Variants in TUBGCP6 observed in about 807,000 individuals in gnomAD.
TUBGCP6 encodes the protein gamma-tubulin complex component 6.
In TUBGCP6, 161 loss-of-function variants were observed where a neutral mutation model predicts 175.8. The ratio of observed to expected loss-of-function variants is 0.92; its 90% CI spans 0.81 to 1.04. The LOEUF (loss-of-function observed/expected upper bound fraction) is 1.04. TUBGCP6 is among the 50% of genes least tolerant of loss of function. TUBGCP6 has a pLI of 0.00. For synonymous variants in TUBGCP6, 1,173 were observed against 1,030.5 expected (o/e 1.14, Z -2.65); for missense variants, 2,572 against 2,433.0 (o/e 1.06, Z -1.20).
chr22:50,225,763 G>C, intron 10 of TUBGCP6, 31 bp downstream of exon 10: 2 of 1,590,926 alleles, frequency 1.3e-6, no homozygotes, highest in Non-Finnish European at 1.7e-6. Context: ...CAGGGGCGAA[G>C]AAAGCCCCCG....
intron 2 of TUBGCP6, among the ~76,000 whole-genome samples, chr22:50,234,870 C>T (rs2064749120): frequency 6.6e-6 from 1 of 150,704 alleles, no homozygotes. Flanking sequence ...GCATCACCCA[C>T]ACACACCCAT....
chr22:50,230,887 C>A (rs917942554), intron 3 of TUBGCP6, among the ~76,000 whole-genome samples: 1 of 151,052 alleles, frequency 6.6e-6, no homozygotes, highest in African/African-American at 2.4e-5. Flanking sequence ...GGTTTGAGAC[C>A]AGCCTCACCA....
intron 1 of TUBGCP6, among the ~76,000 whole-genome samples, chr22:50,241,063 AAT>A: frequency 6.6e-6 from 1 of 152,370 alleles, no homozygotes; most frequent in East Asian, 1.9e-4. Flanking sequence ...ATAGAACAAG[AAT>A]AGTTACACTA....
chr22:50,229,178 G>A (rs1186975980), intron 4 of TUBGCP6, among the ~76,000 whole-genome samples: 1 of 151,946 alleles, frequency 6.6e-6, no homozygotes, highest in African/African-American at 2.4e-5. Flanking sequence ...CACACCCCAG[G>A]GCCCACACAG....
Position 50,220,843 on chromosome 22 carries a change from C to T in TUBGCP6, c.3516G>A (p.Gly1172=). Residue 1172 remains glycine (G), a synonymous_variant, in exon 16 of 25, where the codon GGG becomes GGA. Transcript: ENST00000248846. ...GHVSDASISL[G]ESVSDMAPAR... ...CGGGAGCCATGTCTGACACAGACTC[C>T]CCCAAGCTGATGCTGGCATCGGACA... 6.2e-7 allele frequency: 1 copy of T among 1,604,142 alleles called. No individual in the cohort carries two copies. The highest frequency in any genetic ancestry group is 8.5e-7 in the Non-Finnish European group (1 of 1,174,972).
At chr22:50,223,690 G>A (rs2064561600) in intron 13 of TUBGCP6, 1 of 153,776 alleles carries the variant, frequency 6.5e-6, no homozygotes, top group Non-Finnish European at 1.4e-5. Context: ...TGAGGCAGGA[G>A]AATTGCTTGA....
rs765726614 is a variant in TUBGCP6, at chr22:50,220,286, G to T, written c.4073C>A (p.Pro1358His). 6.4e-7 allele frequency: 1 copy of T among 1,573,382 alleles called. No individual in the cohort carries two copies. Among genetic ancestry groups the T allele is most frequent in the South Asian group, 1.2e-5 (1 of 85,666 alleles). ...SDVAPTQPWW[P>H]NTPGDSVSEE... ...AGAGACACTGTCTCCCGGGGTGTTG[G>T]GCCACCATGGTTGGGTGGGAGCCAC... Residue 1358 changes from proline to histidine, a missense_variant, in exon 16 of 25, where the codon CCC becomes CAC. Transcript: ENST00000248846.
chr22:50,236,252 C>T (rs919218931), intron 2 of TUBGCP6, among the ~76,000 whole-genome samples: 2 of 152,086 alleles, frequency 1.3e-5, no homozygotes, highest in African/African-American at 4.8e-5. Context: ...TCTCCTGCCT[C>T]AGCCTCCCGA....
rs534023667 is a variant in TUBGCP6, at chr22:50,234,449, C to A, written c.906-923G>T. Among the ~76,000 whole-genome samples the A allele has an allele frequency of 4.0e-5, 6 of 149,546 alleles. No homozygotes were observed. The East Asian group carries it at 1.2e-3, about 30-fold the overall frequency. On this transcript the variant is annotated intron_variant, in intron 2 of 24. Coordinates refer to ENST00000248846, the MANE Select transcript of TUBGCP6 (RefSeq NM_020461.4). ...AAGTCCACGGCAGCATCATCCACAT[C>A]CAGGTCCACAGCAGCATCGCCCACA...
Position 50,226,788 on chromosome 22 carries a change from C to T in TUBGCP6, c.1546G>A (p.Glu516Lys), listed in dbSNP as rs139226764. The T allele has an allele frequency of 2.5e-5, 40 of 1,592,990 alleles. No homozygotes were observed. Among genetic ancestry groups the T allele is most frequent in the South Asian group, 1.4e-4 (12 of 87,490 alleles). Reference sequence around the variant, plus strand: ...AGGGACAGCAGTACAGGGTAGTGCTCGTTGCTGCAGTTGTGCAGAGCCTCC... The same window carrying T: ...AGGGACAGCAGTACAGGGTAGTGCTTGTTGCTGCAGTTGTGCAGAGCCTCC... ...YQEALHNCSNEHYPVLLSLLK... is the reference protein window; with the variant it reads ...YQEALHNCSNKHYPVLLSLLK... Residue 516 changes from glutamate to lysine, a missense_variant, in exon 7 of 25, where the codon GAG (glutamate) becomes AAG (lysine). By Grantham distance (56) the Glu-to-Lys change is moderately conservative. Coordinates refer to ENST00000248846, the MANE Select transcript of TUBGCP6 (RefSeq NM_020461.4).
At chr22:50,235,598 C>T (rs935250200) in intron 2 of TUBGCP6, among the ~76,000 whole-genome samples, 1 of 152,244 alleles carries the variant, frequency 6.6e-6, no homozygotes, top group African/African-American at 2.4e-5. Context: ...TCACAAAACA[C>T]TGTGCAACTC....
At position 50,221,464 on chromosome 22, in the gene TUBGCP6, A is replaced by G; in HGVS notation, c.2895T>C (p.Pro965=). The change falls in exon 16 of 25, where the codon CCT becomes CCC. Residue 965 remains proline (P), a synonymous_variant. Coordinates refer to ENST00000248846, the MANE Select transcript of TUBGCP6 (RefSeq NM_020461.4). ...TVLRPAVATS[P]APGPLQAAEC... The stretch of plus-strand genomic sequence containing the variant: ...CTGCAGCCTGCAGGGGCCCTGGTGC[A>G]GGTGAGGTGGCCACAGCTGGCCTCA... 5.0e-6 allele frequency: 8 copies of G among 1,593,532 alleles called. No homozygotes were observed. Among genetic ancestry groups the G allele is most frequent in the Non-Finnish European group, 6.8e-6 (8 of 1,172,170 alleles).
chr22:50,238,442 C>T (rs1487388623), intron 2 of TUBGCP6, among the ~76,000 whole-genome samples: 20 of 149,594 alleles, frequency 1.3e-4, no homozygotes, highest in Admixed American at 1.2e-3. Context: ...AACAAGACTC[C>T]GCCTCAATAA....
intron 1 of TUBGCP6, 127 bp from the exon 2 acceptor site, chr22:50,240,494 A>G (rs1324316990): frequency 2.7e-6 from 3 of 1,126,660 alleles, no homozygotes; most frequent in Non-Finnish European, 3.8e-6. Flanking sequence ...TCTCAAGCGC[A>G]TGTGTACCAT....
intron 10 of TUBGCP6, among the ~76,000 whole-genome samples, chr22:50,225,146 T>C (rs2064587165): frequency 6.9e-6 from 1 of 144,456 alleles, no homozygotes; most frequent in Admixed American, 7.3e-5. Flanking sequence ...CACAGAGACA[T>C]CTGGGGCTGA....
rs138586345 is a variant in TUBGCP6 at position 50,243,871 on chromosome 22, A to G, written c.589T>C (p.Ser197Pro). Residue 197 changes from serine (S) to proline (P), a missense_variant, in exon 1 of 25, where the codon TCA (serine) becomes CCA (proline). Ser to Pro is a moderately conservative substitution (Grantham distance 74, BLOSUM62 -1). Coordinates refer to ENST00000248846, the MANE Select transcript of TUBGCP6 (RefSeq NM_020461.4). ...GTGLPTVGLF[S>P]FGDPCGDRFE... ...CTGTCACCACAAGGGTCACCAAATG[A>G]GAAGAGCCCGACGGTGGGCAGGCCA... is the stretch of plus-strand genomic sequence containing the variant. 2,315 of 1,613,774 alleles carry G rather than the reference A, an allele frequency of 1.4e-3. 4 individuals are homozygous for G. The highest frequency in any genetic ancestry group is 1.8e-3 in the Non-Finnish European group (2,166 of 1,179,992).
At chr22:50,225,208 G>A (rs2064587872) in intron 10 of TUBGCP6, among the ~76,000 whole-genome samples, 1 of 152,078 alleles carries the variant, frequency 6.6e-6, no homozygotes, top group Admixed American at 6.5e-5. Flanking sequence ...GAGGCCTCAA[G>A]AGGGGGCTTC....
chr22:50,219,051 C>T lies in TUBGCP6; in HGVS notation c.4626+17G>A. On this transcript the variant is annotated intron_variant, in intron 20 of 24. Transcript: ENST00000248846. ...CCTCCCCTCTACCACTGGCCCCACCCCGTGTCCGGAGGCCACCTTCTCAAA... is the reference window on the plus strand; with the variant it reads ...CCTCCCCTCTACCACTGGCCCCACCTCGTGTCCGGAGGCCACCTTCTCAAA... 2 of 1,611,224 alleles carry T rather than the reference C, an allele frequency of 1.2e-6. No individual in the cohort carries two copies. The highest frequency in any genetic ancestry group is 8.5e-7 in the Non-Finnish European group (1 of 1,179,736).
At chr22:50,240,127 C>T (rs1383415609) in intron 2 of TUBGCP6, 77 bp downstream of exon 2, 1 of 1,586,456 alleles carries the variant, frequency 6.3e-7, no homozygotes. Context: ...TACACAACGC[C>T]CCCCACACAC....
Sources: gnomAD v4.1 joint callset for allele counts (sites outside exome capture counted in the v4.1 genomes callset) on GRCh38, gnomAD v4.1.1 for gene constraint, MANE v1.5 for transcripts, NCBI Gene and HGNC (gene_info 2026-07-23, HGNC 2026-07-21) for gene names.